CACNA1C: variants seen among roughly 807,000 people sequenced by gnomAD.
The protein encoded by CACNA1C is calcium voltage-gated channel subunit alpha1 C, also known as voltage-dependent L-type calcium channel subunit alpha-1C.
CACNA1C carries 30 observed loss-of-function variants against 229.0 expected under a neutral mutation model. The observed-to-expected ratio is 0.13, with a 90% CI of 0.10 to 0.18. The LOEUF (loss-of-function observed/expected upper bound fraction) is 0.18. Ranked by LOEUF, CACNA1C falls within the 10% of genes least tolerant of loss-of-function variation. The probability of loss-of-function intolerance (pLI) is 1.00; values close to 1 mark genes in which losing one functional copy is unlikely to be tolerated. For missense variants in CACNA1C, 1,658 were observed against 2,845.0 expected (o/e 0.58, Z 9.49); for synonymous variants, 1,114 against 1,132.5 (o/e 0.98, Z 0.33).
chr12:2,225,543 C>A (rs1451683852), intron 3 of CACNA1C, among the ~76,000 whole-genome samples: 1 of 152,118 alleles, frequency 6.6e-6, no homozygotes, highest in Non-Finnish European at 1.5e-5. Context: ...TGCGATACTG[C>A]CCCCTGGAAC....
Position 2,566,634 on chromosome 12 carries a change from AAGGCCC to A in CACNA1C, c.1669+56_1669+61del. On this transcript the variant is annotated intron_variant, in intron 12 of 46. Transcript: ENST00000399655. The surrounding 1 kb of genome is among the most constrained non-coding windows in gnomAD (Gnocchi z 4.0). ...GGTTTCCTCCTGGTAACTCAGCCCC[AAGGCCC>A]AGGGGAGGGCATAACCACAGGCAGA... 6.7e-7 allele frequency: 1 copy of A among 1,494,084 alleles called. No individual in the cohort carries two copies. The highest frequency in any genetic ancestry group is 9.1e-7 in the Non-Finnish European group (1 of 1,099,608). 92.6% of individuals were successfully genotyped at this position (1,494,084 alleles called of 1,614,324 possible). A position where few individuals can be genotyped will look rare whatever the true frequency, so the allele number is the denominator to read the frequency against.
At chr12:2,477,092 CTGTT>C (rs2099633731) in intron 5 of CACNA1C, among the ~76,000 whole-genome samples, 1 of 152,212 alleles carries the variant, frequency 6.6e-6, no homozygotes, top group South Asian at 2.1e-4. Flanking sequence ...TTAAAAGTGT[CTGTT>C]ACTTCATCAG....
rs2099558246 is a variant in CACNA1C, at chr12:2,467,174, C to G, written c.757+9468C>G. Among the ~76,000 whole-genome samples, 1 of 152,162 alleles carries G rather than the reference C, an allele frequency of 6.6e-6. No individual in the cohort carries two copies. The highest frequency in any genetic ancestry group is 2.4e-5 in the African/African-American group (1 of 41,454). ...CCCTACAACATCTTCTAAGCCCTTT[C>G]CCTCCCACTTCTTTCACTGCCACAG... On this transcript the variant is annotated intron_variant, in intron 5 of 46. Coordinates refer to ENST00000399655, the MANE Select transcript of CACNA1C (RefSeq NM_000719.7). The surrounding 1 kb of genome is among the most constrained non-coding windows in gnomAD (Gnocchi z 4.6).
intron 5 of CACNA1C, among the ~76,000 whole-genome samples, chr12:2,478,820 G>T (rs1441876428): frequency 6.6e-6 from 1 of 152,248 alleles, no homozygotes; most frequent in East Asian, 1.9e-4. Flanking sequence ...ACCTCCCATG[G>T]CAATCAGCAG....
rs372275157 is a variant in CACNA1C, at chr12:2,415,627, C to G, written c.478-33349C>G. ...GCCGCTCTCCTCTGAGTTGGTCAAG[C>G]AGAGGCCCTGGGGAGGCAGAGGTCG... On this transcript the variant is annotated intron_variant, in intron 3 of 46. Transcript: ENST00000399655. Among the ~76,000 whole-genome samples the G allele has an allele frequency of 1.4e-4, 22 of 152,282 alleles. No homozygotes were observed. In the South Asian group the frequency reaches 3.9e-3, roughly 27 times the overall value.
At chr12:2,594,951 A>C (rs937221225) in intron 19 of CACNA1C, among the ~76,000 whole-genome samples, 1 of 152,218 alleles carries the variant, frequency 6.6e-6, no homozygotes, top group Non-Finnish European at 1.5e-5. Context: ...TCTTCAAGCA[A>C]TTCTGCCCTC....
Position 1,975,218 on chromosome 12 carries a change from A to G in CACNA1C, c.139+4017A>G, listed in dbSNP as rs1277787652. ...CTCTTTCCAAAAACCCTTTATGTTT[A>G]AACAGTTAAATTGTGTTTTGGTTCT... On this transcript the variant is annotated intron_variant, in intron 1 of 46. Transcript: ENST00000682462. 6.6e-5 allele frequency among the ~76,000 whole-genome samples: 10 copies of G among 152,158 alleles called. No individual in the cohort carries two copies. In the South Asian group the frequency reaches 2.1e-3, roughly 32 times the overall value.
In CACNA1C at chr12:2,488,427, C is replaced by T. The variant is rs150880320; in HGVS notation, c.916+2165C>T. On this transcript the variant is annotated intron_variant, in intron 6 of 46. Coordinates refer to ENST00000399655, the MANE Select transcript of CACNA1C (RefSeq NM_000719.7). The surrounding 1 kb of genome is among the most constrained non-coding windows in gnomAD (Gnocchi z 4.0). ...GGGCCCAGTGAAGAGGTCGCCCCAACGCCCCAAGTACCGAACCTGTCATGG... is the reference window on the plus strand; with the variant it reads ...GGGCCCAGTGAAGAGGTCGCCCCAATGCCCCAAGTACCGAACCTGTCATGG... Among the ~76,000 whole-genome samples, 36 of 152,296 alleles carry T rather than the reference C, an allele frequency of 2.4e-4. 1 individual carries two copies. The East Asian group carries it at 6.6e-3, about 28-fold the overall frequency.
At chr12:2,077,217 G>A (rs1595191860) in intron 1 of CACNA1C, among the ~76,000 whole-genome samples, 1 of 152,256 alleles carries the variant, frequency 6.6e-6, no homozygotes, top group East Asian at 1.9e-4. Context: ...TTCTAGGTAA[G>A]TGTTTCATAA....
intron 9 of CACNA1C, among the ~76,000 whole-genome samples, chr12:2,514,011 A>AT (rs2099790789): frequency 6.6e-6 from 1 of 152,168 alleles, no homozygotes; most frequent in Non-Finnish European, 1.5e-5. Flanking sequence ...ACATGTTTGA[A>AT]TAGGTGCATT....
intron 5 of CACNA1C, among the ~76,000 whole-genome samples, chr12:2,471,777 G>A (rs543522285): frequency 6.6e-6 from 1 of 152,240 alleles, no homozygotes; most frequent in African/African-American, 2.4e-5. Flanking sequence ...CCGCCTCCTG[G>A]GTTCAAGCAA....
rs1224367148 is a variant in CACNA1C at position 2,067,321 on chromosome 12, G to C, written c.49+13710G>C. Among the ~76,000 whole-genome samples the C allele has an allele frequency of 6.6e-6, 1 of 152,144 alleles. No individual in the cohort carries two copies. The highest frequency in any genetic ancestry group is 1.5e-5 in the Non-Finnish European group (1 of 68,028). ...ATAGCCAATGGGCCCCTTGAGCTCTGAGTGGATGCACAAAGGGCCAGGTGG... is the reference window on the plus strand; with the variant it reads ...ATAGCCAATGGGCCCCTTGAGCTCTCAGTGGATGCACAAAGGGCCAGGTGG... On this transcript the variant is annotated intron_variant, in intron 1 of 46. Coordinates refer to ENST00000399655, the MANE Select transcript of CACNA1C (RefSeq NM_000719.7). This position sits in a 1 kb window ranked among gnomAD's most constrained non-coding sequence, Gnocchi z 5.3.
At chr12:2,637,964 G>A (rs1349723267) in intron 30 of CACNA1C, among the ~76,000 whole-genome samples, 2 of 151,920 alleles carry the variant, frequency 1.3e-5, no homozygotes, top group Admixed American at 1.3e-4. Context: ...TCTCTTTTCC[G>A]GGCTATGGGG....
At chr12:2,543,179 C>T (rs2099875505) in intron 9 of CACNA1C, among the ~76,000 whole-genome samples, 1 of 152,184 alleles carries the variant, frequency 6.6e-6, no homozygotes, top group Admixed American at 6.5e-5. Context: ...AAACAAGCTT[C>T]CTGTATAGCT....
intron 3 of CACNA1C, among the ~76,000 whole-genome samples, chr12:2,398,099 T>C (rs953931829): frequency 2.0e-5 from 3 of 152,264 alleles, no homozygotes; most frequent in Admixed American, 2.0e-4. Flanking sequence ...CATTTGGCTT[T>C]TTCCAAAAGG....
chr12:2,375,398 G>A (rs982591126), intron 3 of CACNA1C, among the ~76,000 whole-genome samples: 12 of 152,280 alleles, frequency 7.9e-5, no homozygotes, highest in African/African-American at 2.9e-4. Flanking sequence ...TGAGGCTCAG[G>A]AGATGCGTTT....
At position 2,653,919 on chromosome 12, in the gene CACNA1C, CG is replaced by C; in HGVS notation, c.4140+23del. On this transcript the variant is annotated intron_variant, in intron 33 of 46. Transcript: ENST00000399655. The surrounding 1 kb of genome is among the most constrained non-coding windows in gnomAD (Gnocchi z 4.7). ...GATGCAGGTAGGGAGGCTCCCACCA[CG>C]GGGCTCCTGGCCTCCCGCTCTGTCT... 1.9e-6 allele frequency: 3 copies of C among 1,609,420 alleles called. No individual in the cohort carries two copies. The highest frequency in any genetic ancestry group is 1.3e-5 in the African/African-American group (1 of 74,960).
At chr12:2,291,398 T>G (rs1352508575) in intron 3 of CACNA1C, among the ~76,000 whole-genome samples, 1 of 152,184 alleles carries the variant, frequency 6.6e-6, no homozygotes, top group Non-Finnish European at 1.5e-5. Flanking sequence ...TGGTGGTTTC[T>G]TAGAACTACA....
intron 3 of CACNA1C, among the ~76,000 whole-genome samples, chr12:2,170,169 T>C (rs2096416787): frequency 6.6e-6 from 1 of 152,242 alleles, no homozygotes; most frequent in South Asian, 2.1e-4. Context: ...AATCTCAGGC[T>C]TGATTTCAGC....
Sources: allele counts gnomAD v4.1 joint callset (sites outside exome capture counted in the v4.1 genomes callset), GRCh38; gene constraint gnomAD v4.1.1; non-coding constraint Gnocchi (gnomAD v3.1); transcripts MANE v1.5; gene names NCBI Gene and HGNC (gene_info 2026-07-23, HGNC 2026-07-21).